PCDHA2: variants seen among roughly 807,000 people sequenced by gnomAD.
PCDHA2 encodes the protein protocadherin alpha-2.
PCDHA2 carries 58 observed loss-of-function variants against 66.0 expected under a neutral mutation model. The ratio of observed to expected loss-of-function variants is 0.88; its 90% CI spans 0.71 to 1.09. The LOEUF (loss-of-function observed/expected upper bound fraction) is 1.09, where lower values mean the gene tolerates loss of function less well. Among genes scored for constraint, PCDHA2 ranks in the 50% least tolerant of loss-of-function variants. The pLI is 0.00. For synonymous variants in PCDHA2, 634 were observed against 554.0 expected, an observed-to-expected ratio of 1.14 and a Z score of -2.03; for missense variants, 1,267 against 1,242.3, an observed-to-expected ratio of 1.02 and a Z score of -0.30.
intron 2 of PCDHA2, 165 bp downstream of exon 2, chr5:140,979,172 G>A (rs1406119348): frequency 2.1e-6 from 2 of 959,890 alleles, no homozygotes; most frequent in Admixed American, 1.2e-4. Context: ...TTGAAAGATC[G>A]CAAATGGTCA....
intron 1 of PCDHA2, among the ~76,000 whole-genome samples, chr5:140,971,478 A>C (rs111781444): frequency 3.5e-4 from 53 of 152,260 alleles, no homozygotes; most frequent in African/African-American, 1.3e-3. Flanking sequence ...AGAGAGTGTC[A>C]CATTGTTACA....
chr5:140,803,891 CATT>C (rs1337412917), intron 1 of PCDHA2: 4 of 535,890 alleles, frequency 7.5e-6, no homozygotes, highest in Non-Finnish European at 1.3e-5. Context: ...AGATGAATTG[CATT>C]ATTTAGAGAA....
At position 140,801,337 on chromosome 5, in the gene PCDHA2, G is replaced by A. The variant is rs1554121401; in HGVS notation, c.2388+3985G>A. 1.2e-6 allele frequency: 2 copies of A among 1,613,124 alleles called. No homozygotes were observed. Among genetic ancestry groups the A allele is most frequent in the African/African-American group, 1.3e-5 (1 of 74,906 alleles). On this transcript the variant is annotated intron_variant, in intron 1 of 3. Coordinates refer to ENST00000526136, the MANE Select transcript of PCDHA2 (RefSeq NM_018905.3). ...GCCAAGCATGGCACCTTCGTGGGCCGCATCGCGCAGGACCTGGGGCTGGAG... is the reference window on the plus strand; with the variant it reads ...GCCAAGCATGGCACCTTCGTGGGCCACATCGCGCAGGACCTGGGGCTGGAG...
At chr5:140,968,729 A>G (rs1563381706) in intron 1 of PCDHA2, 1 of 1,614,134 alleles carries the variant, frequency 6.2e-7, no homozygotes, top group Non-Finnish European at 8.5e-7. Flanking sequence ...GAGTGGTAGC[A>G]CTTTCAACCT....
intron 1 of PCDHA2, chr5:140,927,791 G>C: frequency 6.2e-7 from 1 of 1,614,196 alleles, no homozygotes; most frequent in Admixed American, 1.7e-5. Context: ...GCTTCACTAG[G>C]TCCGCCTGAA....
chr5:140,902,599 G>T (rs981296505), intron 1 of PCDHA2, among the ~76,000 whole-genome samples: 3 of 152,024 alleles, frequency 2.0e-5, no homozygotes, highest in African/African-American at 7.2e-5. Flanking sequence ...GAAACAGGTC[G>T]TTTTCAGTTA....
chr5:140,870,595 T>C, intron 1 of PCDHA2: 3 of 1,613,242 alleles, frequency 1.9e-6, no homozygotes, highest in Non-Finnish European at 2.5e-6. Flanking sequence ...GGAGCGGCGG[T>C]TGGGCGACCG....
intron 1 of PCDHA2, among the ~76,000 whole-genome samples, chr5:140,908,387 T>A (rs536105622): frequency 1.3e-5 from 2 of 152,230 alleles, no homozygotes; most frequent in Admixed American, 1.3e-4. Flanking sequence ...TCGAGCCCGA[T>A]CACATATATA....
At chr5:141,003,039 T>C (rs2098108520) in intron 3 of PCDHA2, among the ~76,000 whole-genome samples, 1 of 152,216 alleles carries the variant, frequency 6.6e-6, no homozygotes, top group Admixed American at 6.5e-5. Flanking sequence ...AAAGCCCTCC[T>C]GGCCTTAACA....
At chr5:140,909,215 AC>A (rs1554193695) in intron 1 of PCDHA2, among the ~76,000 whole-genome samples, 1 of 152,160 alleles carries the variant, frequency 6.6e-6, no homozygotes, top group African/African-American at 2.4e-5. Flanking sequence ...GAGTTGATAT[AC>A]CCCTGAGGTA....
chr5:140,915,363 G>C (rs1554196864), intron 1 of PCDHA2, among the ~76,000 whole-genome samples: 1 of 152,136 alleles, frequency 6.6e-6, no homozygotes, highest in Non-Finnish European at 1.5e-5. Context: ...ATTCTTACCA[G>C]TAAGTGTCTC....
chr5:140,802,938 G>A (rs1581656451), intron 1 of PCDHA2: 1 of 1,613,838 alleles, frequency 6.2e-7, no homozygotes, highest in Non-Finnish European at 8.5e-7. Flanking sequence ...GAGCGAGCTG[G>A]TGCCGCGGTC....
intron 1 of PCDHA2, chr5:140,812,425 A>C (rs1554125986): frequency 6.6e-6 from 1 of 152,008 alleles, no homozygotes; most frequent in African/African-American, 2.4e-5. Context: ...GTTTTTTCAA[A>C]AAATCAACTA....
rs1024369617 is a variant in PCDHA2 at position 140,837,461 on chromosome 5, C to G, written c.2388+40109C>G. On this transcript the variant is annotated intron_variant, in intron 1 of 3. Transcript: ENST00000526136. ...TAGTACGTAGTAAAAAATCTCCTTG[C>G]CTCCTCAAACCCCAAACCATTTACT... 4.6e-5 allele frequency among the ~76,000 whole-genome samples: 7 copies of G among 151,760 alleles called. 1 individual carries two copies. The highest frequency in any genetic ancestry group is 1.0e-4 in the Non-Finnish European group (7 of 67,946).
chr5:140,898,389 G>A (rs1402524208), intron 1 of PCDHA2, among the ~76,000 whole-genome samples: 3 of 152,190 alleles, frequency 2.0e-5, no homozygotes, highest in Non-Finnish European at 4.4e-5. Flanking sequence ...AAGGGATCCA[G>A]TTTCAGCTTT....
intron 1 of PCDHA2, among the ~76,000 whole-genome samples, chr5:140,806,556 T>C (rs1336554609): frequency 2.0e-5 from 3 of 152,206 alleles, no homozygotes; most frequent in Non-Finnish European, 4.4e-5. Context: ...ATCTGCAAAT[T>C]TCCCTGTCAA....
intron 1 of PCDHA2, chr5:140,884,758 C>A (rs1582804628): frequency 2.1e-6 from 3 of 1,424,736 alleles, no homozygotes; most frequent in East Asian, 2.5e-5. Context: ...TCAAATTATT[C>A]TTTACTTTAA....
chr5:140,981,924 C>T (rs2096957761), intron 2 of PCDHA2, among the ~76,000 whole-genome samples: 1 of 151,968 alleles, frequency 6.6e-6, no homozygotes, highest in African/African-American at 2.4e-5. Flanking sequence ...TCAAGTTTCT[C>T]TAGTCTCAGG....
chr5:140,877,240 G>T, intron 1 of PCDHA2: 1 of 1,613,736 alleles, frequency 6.2e-7, no homozygotes, highest in Non-Finnish European at 8.5e-7. Flanking sequence ...TGCGGGCCAC[G>T]TGGTGGCGAA....
Sources: allele counts gnomAD v4.1 joint callset (sites outside exome capture counted in the v4.1 genomes callset), GRCh38; gene constraint gnomAD v4.1.1; transcripts MANE v1.5; gene names NCBI Gene and HGNC (gene_info 2026-07-23, HGNC 2026-07-21).